Variants in GALNT18 observed in about 807,000 individuals in gnomAD.
The protein encoded by GALNT18 is GalNAc-transferase 18.
Under a neutral mutation model 69.5 loss-of-function variants are expected in GALNT18, and 44 were observed. That is an observed-to-expected ratio of 0.63 (90% CI 0.50 to 0.81). The LOEUF (loss-of-function observed/expected upper bound fraction) is 0.81. GALNT18 is among the 40% of genes least tolerant of loss of function. GALNT18 has a pLI of 0.00. For missense variants in GALNT18, 715 were observed against 810.0 expected (o/e 0.88, Z 1.42); for synonymous variants, 364 against 318.2 (o/e 1.14, Z -1.53).
At chr11:11,400,821 G>A (rs1434214114) in intron 3 of GALNT18, among the ~76,000 whole-genome samples, 2 of 151,892 alleles carry the variant, frequency 1.3e-5, no homozygotes, top group African/African-American at 4.9e-5. Context: ...GATGGTGATG[G>A]AGTAGGTGTC....
At position 11,356,375 on chromosome 11, in the gene GALNT18, G is replaced by A. The variant is rs75612122; in HGVS notation, c.1093-15371C>T. On this transcript the variant is annotated intron_variant, in intron 6 of 10. Coordinates refer to ENST00000227756, the MANE Select transcript of GALNT18 (RefSeq NM_198516.3). The surrounding 1 kb of genome is among the most constrained non-coding windows in gnomAD (Gnocchi z 4.4). ...ACCTTCCAGGGTCTGATACCGACCA[G>A]CATGCAGACTCAGCTAAAGAAGAAC... Among the ~76,000 whole-genome samples, 3,730 of 152,280 alleles carry A rather than the reference G, an allele frequency of 0.024. 65 individuals carry two copies. Among genetic ancestry groups the A allele is most frequent in the Middle Eastern group, 0.095 (28 of 294 alleles).
At chr11:11,298,759 C>T (rs1320051232) in intron 9 of GALNT18, among the ~76,000 whole-genome samples, 1 of 152,228 alleles carries the variant, frequency 6.6e-6, no homozygotes, top group Non-Finnish European at 1.5e-5. Context: ...TTTTGGATAA[C>T]TGGCTTTCAT....
At chr11:11,599,384 C>T (rs1430169787) in intron 1 of GALNT18, among the ~76,000 whole-genome samples, 11 of 151,954 alleles carry the variant, frequency 7.2e-5, no homozygotes, top group South Asian at 2.1e-4. Context: ...GGTGTTTTAA[C>T]GTCAATTTTG....
At chr11:11,326,764 C>A (rs1392940242) in intron 9 of GALNT18, among the ~76,000 whole-genome samples, 1 of 152,150 alleles carries the variant, frequency 6.6e-6, no homozygotes, top group African/African-American at 2.4e-5. Context: ...GTTGTCAGAG[C>A]CAGAACTGTG....
intron 3 of GALNT18, among the ~76,000 whole-genome samples, chr11:11,407,524 C>T (rs1423221247): frequency 6.6e-6 from 1 of 152,140 alleles, no homozygotes. Context: ...GGGCTTCAGC[C>T]CCATTTATTA....
At position 11,470,745 on chromosome 11, in the gene GALNT18, T is replaced by TGCTGGGCA. The variant is rs1489852807; in HGVS notation, c.236-21817_236-21810dup. On this transcript the variant is annotated intron_variant, in intron 1 of 10. Transcript: ENST00000227756. This position sits in a 1 kb window ranked among gnomAD's most constrained non-coding sequence, Gnocchi z 4.8. ...CTTCTTCCTGCCCCTGTGAGCCCTG[T>TGCTGGGCA]GCTGGGCAGCATCTCCCCAGACTAC... is the stretch of plus-strand genomic sequence containing the variant. Among the ~76,000 whole-genome samples the TGCTGGGCA allele has an allele frequency of 6.6e-6, 1 of 152,120 alleles. No individual in the cohort carries two copies. Among genetic ancestry groups the TGCTGGGCA allele is most frequent in the African/African-American group, 2.4e-5 (1 of 41,424 alleles).
Position 11,341,271 on chromosome 11 carries a change from A to G in GALNT18, c.1093-267T>C, listed in dbSNP as rs1481737710. Among the ~76,000 whole-genome samples the G allele has an allele frequency of 6.6e-6, 1 of 152,208 alleles. No homozygotes were observed. The highest frequency in any genetic ancestry group is 1.9e-4 in the East Asian group (1 of 5,196). On this transcript the variant is annotated intron_variant, in intron 6 of 10. Transcript: ENST00000227756. The surrounding 1 kb of genome is among the most constrained non-coding windows in gnomAD (Gnocchi z 6.3). ...AATGCACTTTTTCCCTCCACCTGTG[A>G]GCCCTACCCCACCAAAAAAAGAGAC...
rs1429157451 is a variant in GALNT18 at position 11,595,549 on chromosome 11, C to T, written c.235+25810G>A. ...CAATAGTGTATGAGGATTCCAACTT[C>T]TCCACATCCTCACCAACACTCATTA... is the stretch of plus-strand genomic sequence containing the variant. On this transcript the variant is annotated intron_variant, in intron 1 of 10. Transcript: ENST00000227756. The surrounding 1 kb of genome is among the most constrained non-coding windows in gnomAD (Gnocchi z 5.2). Among the ~76,000 whole-genome samples, 1 of 152,176 alleles carries T rather than the reference C, an allele frequency of 6.6e-6. No homozygotes were observed. Among genetic ancestry groups the T allele is most frequent in the Non-Finnish European group, 1.5e-5 (1 of 68,024 alleles).
At chr11:11,349,546 T>C (rs1444895203) in intron 6 of GALNT18, among the ~76,000 whole-genome samples, 1 of 152,184 alleles carries the variant, frequency 6.6e-6, no homozygotes. Flanking sequence ...TGATTACTAG[T>C]GAGAGAGAGG....
At position 11,340,672 on chromosome 11, in the gene GALNT18, AAAT is replaced by A. The variant is rs1200777480; in HGVS notation, c.1278+144_1278+146del. On this transcript the variant is annotated intron_variant, in intron 7 of 10. Transcript: ENST00000227756. This position sits in a 1 kb window ranked among gnomAD's most constrained non-coding sequence, Gnocchi z 4.2. ...AGCCTCATGGCCCCTTTTCTTCAGC[AAAT>A]AATATGTTTTGGGGTTGAGAGTCCA... 1.4e-6 allele frequency: 1 copy of A among 690,458 alleles called. No individual in the cohort carries two copies. Among genetic ancestry groups the A allele is most frequent in the Non-Finnish European group, 2.4e-6 (1 of 425,088 alleles). The allele number at this position is 690,458 out of a possible 1,614,324, so 42.8% of individuals were successfully genotyped here.
chr11:11,390,847 C>T (rs1469412443), intron 3 of GALNT18, among the ~76,000 whole-genome samples: 1 of 152,126 alleles, frequency 6.6e-6, no homozygotes, highest in African/African-American at 2.4e-5. Context: ...AGAGACAGGC[C>T]TCAATTTAAT....
rs1490467016 is a variant in GALNT18 at position 11,591,389 on chromosome 11, C to T, written c.235+29970G>A. Among the ~76,000 whole-genome samples the T allele has an allele frequency of 3.9e-5, 6 of 152,154 alleles. No homozygotes were observed. Among genetic ancestry groups the T allele is most frequent in the Admixed American group, 6.5e-5 (1 of 15,278 alleles). ...GACTGTATAGATAAAGCATCTAACA[C>T]GGTCCTTGGCTCATGGTTGACTTTA... is the stretch of plus-strand genomic sequence containing the variant. On this transcript the variant is annotated intron_variant, in intron 1 of 10. Coordinates refer to ENST00000227756, the MANE Select transcript of GALNT18 (RefSeq NM_198516.3). The surrounding 1 kb of genome is among the most constrained non-coding windows in gnomAD (Gnocchi z 4.8).
At chr11:11,358,115 G>C (rs1850568750) in intron 6 of GALNT18, among the ~76,000 whole-genome samples, 2 of 91,284 alleles carry the variant, frequency 2.2e-5, no homozygotes, top group Non-Finnish European at 5.3e-5. Flanking sequence ...AATCTCTTCT[G>C]TTTTCAGAAA....
intron 10 of GALNT18, among the ~76,000 whole-genome samples, chr11:11,285,531 A>G (rs1849176673): frequency 1.3e-5 from 2 of 152,090 alleles, no homozygotes; most frequent in Admixed American, 1.3e-4. Context: ...GAGAGGAGGG[A>G]AGTGCTGACT....
rs1172219343 is a variant in GALNT18, at chr11:11,356,029, A to C, written c.1093-15025T>G. ...AATTTCTGGATACCAAACTTTATAGAAAAACTTGTGTGTAAGGGTAATTTC... is the reference window on the plus strand; with the variant it reads ...AATTTCTGGATACCAAACTTTATAGCAAAACTTGTGTGTAAGGGTAATTTC... On this transcript the variant is annotated intron_variant, in intron 6 of 10. Transcript: ENST00000227756. This position sits in a 1 kb window ranked among gnomAD's most constrained non-coding sequence, Gnocchi z 4.4. 6.6e-6 allele frequency among the ~76,000 whole-genome samples: 1 copy of C among 152,220 alleles called. No individual in the cohort carries two copies. The highest frequency in any genetic ancestry group is 1.5e-5 in the Non-Finnish European group (1 of 68,040).
rs1371121667 is a variant in GALNT18 at position 11,387,587 on chromosome 11, GC to G, written c.596-8324del. Among the ~76,000 whole-genome samples, 1 of 152,190 alleles carries G rather than the reference GC, an allele frequency of 6.6e-6. No individual in the cohort carries two copies. Among genetic ancestry groups the G allele is most frequent in the African/African-American group, 2.4e-5 (1 of 41,434 alleles). On this transcript the variant is annotated intron_variant, in intron 3 of 10. Transcript: ENST00000227756. This position sits in a 1 kb window ranked among gnomAD's most constrained non-coding sequence, Gnocchi z 4.6. ...CTTCTTCAGATCAGAAGATTAACTG[GC>G]TTTTCTCTGAAGCCATTTAGGGCCA...
In GALNT18 at chr11:11,377,042, A is replaced by G; in HGVS notation, c.977+140T>C. On this transcript the variant is annotated intron_variant, in intron 5 of 10. Transcript: ENST00000227756. The surrounding 1 kb of genome is among the most constrained non-coding windows in gnomAD (Gnocchi z 4.6). The stretch of plus-strand genomic sequence containing the variant: ...GAGCCTGTGGCAGTGACTGAAGATC[A>G]GACTGCAGTTCCTTTCGACCCTGCC... 1.5e-6 allele frequency: 1 copy of G among 685,346 alleles called. No individual in the cohort carries two copies. Among genetic ancestry groups the G allele is most frequent in the Non-Finnish European group, 2.5e-6 (1 of 401,376 alleles). The allele number at this position is 685,346 out of a possible 1,614,324, so 42.5% of individuals were successfully genotyped here.
intron 10 of GALNT18, among the ~76,000 whole-genome samples, chr11:11,288,767 G>A (rs1849242439): frequency 6.6e-6 from 1 of 152,200 alleles, no homozygotes. Flanking sequence ...AGAAGAGCTT[G>A]TGGGGGTTAG....
chr11:11,482,817 A>C (rs141946231), intron 1 of GALNT18, among the ~76,000 whole-genome samples: 161 of 152,282 alleles, frequency 1.1e-3, no homozygotes, highest in African/African-American at 3.8e-3. Context: ...TAAACCCTCC[A>C]AGGTCAGATG....
Sources: allele counts gnomAD v4.1 joint callset (sites outside exome capture counted in the v4.1 genomes callset), GRCh38; gene constraint gnomAD v4.1.1; non-coding constraint Gnocchi (gnomAD v3.1); transcripts MANE v1.5; gene names NCBI Gene and HGNC (gene_info 2026-07-23, HGNC 2026-07-21).